The following VAMP1 variants were observed in gnomAD, a reference collection of about 807,000 sequenced individuals.
The protein encoded by VAMP1 is vesicle-associated membrane protein 1.
VAMP1 carries 16 observed loss-of-function variants against 19.1 expected under a neutral mutation model. The observed-to-expected ratio is 0.84, with a 90% CI of 0.57 to 1.27. The LOEUF is 1.27. Ranked by LOEUF, VAMP1 falls within the 50% of genes most tolerant of loss-of-function variation. The pLI is 0.00. For synonymous variants in VAMP1, 37 were observed against 50.2 expected (o/e 0.74, Z 1.11); for missense variants, 109 against 145.4 (o/e 0.75, Z 1.29).
chr12:6,467,727 G>A (rs1195317423), intron 1 of VAMP1, among the ~76,000 whole-genome samples: 2 of 152,204 alleles, frequency 1.3e-5, no homozygotes, highest in African/African-American at 4.8e-5. Context: ...TGGAGGCCCA[G>A]GAGGAAAAAG....
intron 1 of VAMP1, chr12:6,466,647 T>C (rs566402936): frequency 5.2e-5 from 13 of 248,968 alleles, no homozygotes; most frequent in Non-Finnish European, 9.3e-5. Context: ...AGACAAACCA[T>C]AGAGGCAAGA....
intron 3 of VAMP1, 103 bp from the exon 4 acceptor site, chr12:6,465,044 G>GA: frequency 3.2e-6 from 5 of 1,549,024 alleles, no homozygotes; most frequent in South Asian, 2.3e-5. Flanking sequence ...TGGGACAATG[G>GA]AAAAAACCAC....
chr12:6,464,327 C>T lies in VAMP1; in HGVS notation c.*143G>A. The T allele has an allele frequency of 6.5e-7, 1 of 1,548,716 alleles. No individual in the cohort carries two copies. The highest frequency in any genetic ancestry group is 8.7e-7 in the Non-Finnish European group (1 of 1,145,698). ...TTGAGGGACAGAGTGCAAATGAACGCAACGAAAAAGGAGGAATGGGTGATG... is the reference window on the plus strand; with the variant it reads ...TTGAGGGACAGAGTGCAAATGAACGTAACGAAAAAGGAGGAATGGGTGATG... On this transcript the variant is annotated 3_prime_UTR_variant, in exon 5 of 5. Transcript: ENST00000396308.
At position 6,464,550 on chromosome 12, in the gene VAMP1, T is replaced by C. The variant is rs2534716; in HGVS notation, c.341-64A>G. ...AAAGAGACAGGAGAAAACAAGAGGGTGAATTACACCAAGTTACCAGACATT... is the reference window on the plus strand; with the variant it reads ...AAAGAGACAGGAGAAAACAAGAGGGCGAATTACACCAAGTTACCAGACATT... On this transcript the variant is annotated intron_variant, in intron 4 of 4. Coordinates refer to ENST00000396308, the MANE Select transcript of VAMP1 (RefSeq NM_014231.5). 452,275 of 1,465,846 alleles carry C rather than the reference T, an allele frequency of 0.31. 70,526 individuals carry two copies. The highest frequency in any genetic ancestry group is 0.35 in the South Asian group (23,799 of 68,492). 90.8% of individuals were successfully genotyped at this position (1,465,846 alleles called of 1,614,324 possible).
rs116839028 is a variant in VAMP1 at position 6,463,056 on chromosome 12, G to C, written c.*1414C>G. 2,792 of 1,540,858 alleles carry C rather than the reference G, an allele frequency of 1.8e-3. 52 individuals are homozygous for C. The African/African-American group carries it at 0.034, about 19-fold the overall frequency. ...GCCTGCCCTCCTCCCCTTGCACCTG[G>C]GCTTATCCCACATTAATAGCCCATC... On this transcript the variant is annotated 3_prime_UTR_variant, in exon 5 of 5. Transcript: ENST00000396308. This position sits in a 1 kb window ranked among gnomAD's most constrained non-coding sequence, Gnocchi z 4.0.
chr12:6,464,862 C>T (rs753172231), intron 4 of VAMP1, 28 bp downstream of exon 4: 2 of 1,613,878 alleles, frequency 1.2e-6, no homozygotes, highest in East Asian at 2.2e-5. Context: ...CACCTCTTCA[C>T]CCCACCAGCA....
chr12:6,466,293 G>T lies in VAMP1; in HGVS notation c.61C>A (p.Pro21Thr). 3 of 1,614,170 alleles carry T rather than the reference G, an allele frequency of 1.9e-6. No homozygotes were observed. The highest frequency in any genetic ancestry group is 2.5e-6 in the Non-Finnish European group (3 of 1,180,022). ...GTEGTAPGGG[P>T]PGPPPNMTSN... Reference sequence around the variant, plus strand: ...GTCATGTTAGGAGGAGGGCCAGGGGGACCCCCACCTGGGGCAGTCCCTTCT... The same window carrying T: ...GTCATGTTAGGAGGAGGGCCAGGGGTACCCCCACCTGGGGCAGTCCCTTCT... Residue 21 changes from proline to threonine, a missense_variant, in exon 2 of 5, where the codon CCC becomes ACC. Transcript: ENST00000396308.
At chr12:6,468,399 T>C (rs930829743) in intron 1 of VAMP1, among the ~76,000 whole-genome samples, 1 of 152,160 alleles carries the variant, frequency 6.6e-6, no homozygotes, top group African/African-American at 2.4e-5. Context: ...TCTATGTAGG[T>C]GGAGTGAGTC....
intron 3 of VAMP1, 27 bp from the exon 4 acceptor site, chr12:6,464,968 C>A: frequency 6.2e-7 from 1 of 1,612,756 alleles, no homozygotes; most frequent in Non-Finnish European, 8.5e-7. Flanking sequence ...AAAAAATGAG[C>A]CCTTGGATTT....
rs551122030 is a variant in VAMP1 at position 6,462,920 on chromosome 12, G to C, written c.*1550C>G. The C allele has an allele frequency of 7.7e-6, 12 of 1,565,818 alleles. No homozygotes were observed. In the East Asian group the frequency reaches 9.5e-5, roughly 12 times the overall value. ...TGGTTTTGAGCAATGAAATGCTGCT[G>C]CATGGAAAGTGGGCATCCAGACCCT... On this transcript the variant is annotated 3_prime_UTR_variant, in exon 5 of 5. Transcript: ENST00000396308.
In VAMP1 at chr12:6,464,014, C is replaced by T. The variant is rs573338895; in HGVS notation, c.*456G>A. ...GTCCAGGAAGGAAAGCTCCACATGA[C>T]CAGGCAGTACTGAGTGAGCTGCCAT... On this transcript the variant is annotated 3_prime_UTR_variant, in exon 5 of 5. Coordinates refer to ENST00000396308, the MANE Select transcript of VAMP1 (RefSeq NM_014231.5). 81 of 1,292,940 alleles carry T rather than the reference C, an allele frequency of 6.3e-5. 1 individual carries two copies. The Admixed American group carries it at 8.9e-4, about 14-fold the overall frequency. 80.1% of individuals were successfully genotyped at this position (1,292,940 alleles called of 1,614,324 possible). A position where few individuals can be genotyped will look rare whatever the true frequency, so the allele number is the denominator to read the frequency against.
rs755802125 is a variant in VAMP1 at position 6,462,672 on chromosome 12, G to A, written c.*1798C>T. The A allele has an allele frequency of 1.3e-6, 1 of 785,498 alleles. No homozygotes were observed. Among genetic ancestry groups the A allele is most frequent in the Non-Finnish European group, 2.0e-6 (1 of 494,848 alleles). 48.7% of individuals were successfully genotyped at this position (785,498 alleles called of 1,614,324 possible). On this transcript the variant is annotated 3_prime_UTR_variant, in exon 5 of 5. Coordinates refer to ENST00000396308, the MANE Select transcript of VAMP1 (RefSeq NM_014231.5). ...TGATTCCTGTGATAGGGCTGGGAGAGCCAAGAGGACGGATTCGCTCCAGGC... is the reference window on the plus strand; with the variant it reads ...TGATTCCTGTGATAGGGCTGGGAGAACCAAGAGGACGGATTCGCTCCAGGC...
chr12:6,467,372 T>C (rs919362453), intron 1 of VAMP1, among the ~76,000 whole-genome samples: 4 of 152,180 alleles, frequency 2.6e-5, no homozygotes, highest in Admixed American at 1.3e-4. Flanking sequence ...GTTAGTGATA[T>C]GAACAATAAG....
chr12:6,470,625 C>G lies in VAMP1; in HGVS notation c.-94G>C. The G allele has an allele frequency of 2.6e-6, 4 of 1,540,058 alleles. No homozygotes were observed. Among genetic ancestry groups the G allele is most frequent in the Non-Finnish European group, 3.6e-6 (4 of 1,119,460 alleles). On this transcript the variant is annotated 5_prime_UTR_variant, in exon 1 of 5. Transcript: ENST00000396308. ...CTGCGGCTGAAGTGGACGGAACTGC[C>G]AAGCTCCGCCTCGCGCCGACTACCC...
chr12:6,464,748 C>G, intron 4 of VAMP1, 142 bp downstream of exon 4: 1 of 1,525,964 alleles, frequency 6.6e-7, no homozygotes. Flanking sequence ...TTCCCCCGTC[C>G]CGAACCAGGT....
chr12:6,465,795 C>T lies in VAMP1; in HGVS notation c.288+47G>A, dbSNP rs373211133. ...AAGCTGAGGGTTTTCTTGCCTTCTACCAGTGGAAGCCCAGGAAAAGATGGA... is the reference window on the plus strand; with the variant it reads ...AAGCTGAGGGTTTTCTTGCCTTCTATCAGTGGAAGCCCAGGAAAAGATGGA... On this transcript the variant is annotated intron_variant, in intron 3 of 4. Transcript: ENST00000396308. 240 of 1,607,078 alleles carry T rather than the reference C, an allele frequency of 1.5e-4. 1 individual carries two copies. The African/African-American group carries it at 2.1e-3, about 14-fold the overall frequency.
intron 1 of VAMP1, 143 bp downstream of exon 1, chr12:6,470,387 G>T: frequency 7.9e-7 from 1 of 1,265,218 alleles, no homozygotes; most frequent in Non-Finnish European, 1.1e-6. Flanking sequence ...CCTGGGGGTG[G>T]CCCGGTCCGG....
At chr12:6,470,298 T>C (rs755431751) in intron 1 of VAMP1, among the ~76,000 whole-genome samples, 75 of 151,490 alleles carry the variant, frequency 5.0e-4, no homozygotes, top group Non-Finnish European at 7.8e-4. Flanking sequence ...GGTGCAATGA[T>C]TGTGGGACCC....
rs1565527360 is a variant in VAMP1 at position 6,466,369 on chromosome 12, C to T, written c.3-18G>A. 1.2e-6 allele frequency: 2 copies of T among 1,607,682 alleles called. No homozygotes were observed. The highest frequency in any genetic ancestry group is 2.7e-5 in the African/African-American group (2 of 74,498). On this transcript the variant is annotated intron_variant, in intron 1 of 4. Transcript: ENST00000396308. ...GAGCAGACCTGTGGAAAGACATGTG[C>T]AGAGTACACAAAGTGACCAAGACAA...
Sources: allele counts gnomAD v4.1 joint callset (sites outside exome capture counted in the v4.1 genomes callset), GRCh38; gene constraint gnomAD v4.1.1; non-coding constraint Gnocchi (gnomAD v3.1); transcripts MANE v1.5; gene names NCBI Gene and HGNC (gene_info 2026-07-23, HGNC 2026-07-21).